The following RPN2 variants were observed in gnomAD, a reference collection of about 807,000 sequenced individuals.
The protein encoded by RPN2 is ribophorin II.
RPN2 carries 29 observed loss-of-function variants against 71.4 expected under a neutral mutation model. That is an observed-to-expected ratio of 0.41 (90% CI 0.30 to 0.55). The LOEUF is 0.55. Among genes scored for constraint, RPN2 ranks in the 20% least tolerant of loss-of-function variants. RPN2 has a pLI of 0.35. For missense variants in RPN2, 726 were observed against 774.1 expected, an observed-to-expected ratio of 0.94 and a Z score of 0.74; for synonymous variants, 308 against 305.0, an observed-to-expected ratio of 1.01 and a Z score of -0.10.
At chr20:37,200,147 C>T (rs1303294382) in intron 4 of RPN2, among the ~76,000 whole-genome samples, 2 of 152,100 alleles carry the variant, frequency 1.3e-5, no homozygotes, top group African/African-American at 4.8e-5. Flanking sequence ...GGCGCGCCAC[C>T]ACGCCTGGCC....
intron 8 of RPN2, among the ~76,000 whole-genome samples, chr20:37,211,514 G>A (rs894404829): frequency 6.6e-6 from 1 of 151,142 alleles, no homozygotes; most frequent in Non-Finnish European, 1.5e-5. Flanking sequence ...GGTGGTGCAC[G>A]CCTGTATTCC....
In RPN2 at chr20:37,232,921, G is replaced by C. The variant is rs191161039; in HGVS notation, c.1677+530G>C. On this transcript the variant is annotated intron_variant, in intron 14 of 16. Transcript: ENST00000237530. ...TGTGTTTAGTATGATCCTCTGTAAA[G>C]TTTTAAAAGGTGGCTGGGTGTGGTG... Among the ~76,000 whole-genome samples the C allele has an allele frequency of 2.2e-4, 34 of 152,234 alleles. No individual in the cohort carries two copies. The East Asian group carries it at 6.0e-3, about 27-fold the overall frequency.
rs2067477212 is a variant in RPN2, at chr20:37,204,878, G to A, written c.667G>A (p.Gly223Arg). Residue 223 changes from glycine (G) to arginine (R), a missense_variant, in exon 6 of 17, where the codon GGG (glycine) becomes AGG (arginine). Physicochemically the swap from Gly to Arg is moderately radical, Grantham distance 125 (BLOSUM62 -2). Transcript: ENST00000237530. ...AATYKLMDHVGTEPSIKEDQV... is the reference protein window; with the variant it reads ...AATYKLMDHVRTEPSIKEDQV... ...CACCTACAAGCTCATGGATCATGTG[G>A]GGACTGAGCCATCCATTAAGGAGGT... The A allele has an allele frequency of 6.2e-7, 1 of 1,614,138 alleles. No homozygotes were observed. The highest frequency in any genetic ancestry group is 8.5e-7 in the Non-Finnish European group (1 of 1,180,020).
At position 37,186,724 on chromosome 20, in the gene RPN2, T is replaced by TA. The variant is rs756606795; in HGVS notation, c.207+2352dup. ...CTTAAATCAGGATCTAAAGAAGGTC[T>TA]ACACATTCCATTTTTTGCTGGTATC... On this transcript the variant is annotated intron_variant, in intron 2 of 16. Coordinates refer to ENST00000237530, the MANE Select transcript of RPN2 (RefSeq NM_002951.5). Among the ~76,000 whole-genome samples, 60 of 152,258 alleles carry TA rather than the reference T, an allele frequency of 3.9e-4. 1 individual carries two copies. Among genetic ancestry groups the TA allele is most frequent in the Admixed American group, 4.6e-4 (7 of 15,278 alleles).
chr20:37,184,286 G>T lies in RPN2; in HGVS notation c.120G>T (p.Ser40=). ...ATGACGTGGAGAGACTAAAAGCCTC[G>T]CTGGATCGCCCTTTCACAAATTTGG... ...TKHDVERLKA[S]LDRPFTNLES... Residue 40 remains serine (S), a synonymous_variant, in exon 2 of 17, where the codon TCG becomes TCT. Transcript: ENST00000237530. 4 of 1,614,152 alleles carry T rather than the reference G, an allele frequency of 2.5e-6. No homozygotes were observed. Among genetic ancestry groups the T allele is most frequent in the African/African-American group, 2.7e-5 (2 of 75,024 alleles).
chr20:37,209,979 A>T, intron 7 of RPN2, 68 bp from the exon 8 acceptor site: 2 of 1,599,498 alleles, frequency 1.3e-6, no homozygotes, highest in Non-Finnish European at 1.7e-6. Flanking sequence ...TAGATAAAGC[A>T]CCCCAGAAAC....
At position 37,179,386 on chromosome 20, in the gene RPN2, G is replaced by GACTTATA; in HGVS notation, c.13+17_13+18insACTTATA. On this transcript the variant is annotated intron_variant, in intron 1 of 16. Coordinates refer to ENST00000237530, the MANE Select transcript of RPN2 (RefSeq NM_002951.5). Reference sequence around the variant, plus strand: ...CGCCGCCGGGTGAGGAGTTGCGCGTGGCTTTGGGGAGAGGGCTGTCGCCCG... The same window carrying GACTTATA: ...CGCCGCCGGGTGAGGAGTTGCGCGTGACTTATAGCTTTGGGGAGAGGGCTGTCGCCCG... 6.8e-6 allele frequency: 2 copies of GACTTATA among 292,438 alleles called. No individual in the cohort carries two copies. The highest frequency in any genetic ancestry group is 6.5e-5 in the South Asian group (1 of 15,280). 18.1% of individuals were successfully genotyped at this position (292,438 alleles called of 1,614,324 possible).
At chr20:37,200,618 T>C in intron 4 of RPN2, 1 of 415,582 alleles carries the variant, frequency 2.4e-6, no homozygotes, top group Admixed American at 3.0e-5. Context: ...AAGGACAGGG[T>C]TCACAGGCAA....
chr20:37,233,932 C>CTGTTGATGGGATTAGCATTGGCATGGCTT (rs2146702906), intron 14 of RPN2, 88 bp from the exon 15 acceptor site: 1 of 1,409,642 alleles, frequency 7.1e-7, no homozygotes, highest in African/African-American at 1.4e-5. Context: ...AGCCTTGGGG[C>CTGTTGATGGGATTAGCATTGGCATGGCTT]TGTTGATGGG....
At chr20:37,186,113 A>G (rs529249640) in intron 2 of RPN2, among the ~76,000 whole-genome samples, 5 of 152,274 alleles carry the variant, frequency 3.3e-5, no homozygotes, top group African/African-American at 9.6e-5. Context: ...TTACTCTTCA[A>G]TTCTCTCTGA....
chr20:37,212,194 G>A (rs887215519), intron 8 of RPN2, among the ~76,000 whole-genome samples: 4 of 152,038 alleles, frequency 2.6e-5, no homozygotes, highest in Non-Finnish European at 5.9e-5. Context: ...TGGGAGGATC[G>A]CTTGAGGCTG....
chr20:37,203,859 T>C lies in RPN2; in HGVS notation c.480-26T>C, dbSNP rs757262700. 3.8e-6 allele frequency: 6 copies of C among 1,565,080 alleles called. No homozygotes were observed. In the African/African-American group the frequency reaches 5.4e-5, roughly 14 times the overall value. On this transcript the variant is annotated intron_variant, in intron 4 of 16. Coordinates refer to ENST00000237530, the MANE Select transcript of RPN2 (RefSeq NM_002951.5). ...TGGATGAAACAAGACTTGCCATTCA[T>C]TGGGGTTCTACTCTTTACCTTCCAG...
intron 14 of RPN2, among the ~76,000 whole-genome samples, chr20:37,233,220 TAAA>T (rs778151210): frequency 2.5e-4 from 38 of 151,832 alleles, no homozygotes; most frequent in Non-Finnish European, 4.9e-4. Context: ...AAAAAAAAAA[TAAA>T]AATAAGTTTT....
intron 8 of RPN2, among the ~76,000 whole-genome samples, chr20:37,211,270 A>G (rs1434392503): frequency 2.0e-5 from 3 of 150,504 alleles, no homozygotes; most frequent in African/African-American, 7.3e-5. Flanking sequence ...CCTGACCTCA[A>G]GTGATCCACC....
chr20:37,232,361 C>A lies in RPN2; in HGVS notation c.1647C>A (p.Ile549=), dbSNP rs772928107. 2 of 1,614,178 alleles carry A rather than the reference C, an allele frequency of 1.2e-6. No individual in the cohort carries two copies. Among genetic ancestry groups the A allele is most frequent in the Non-Finnish European group, 1.7e-6 (2 of 1,180,028 alleles). The stretch of plus-strand genomic sequence containing the variant: ...TGTCCAATACATTCACTGCCCTGAT[C>A]CTCTCGCCGTTGCTTCTGCTCTTCG... ...TVVSNTFTAL[I]LSPLLLLFAL... The change falls in exon 14 of 17, where the codon ATC becomes ATA. Residue 549 remains isoleucine (I), a synonymous_variant. Coordinates refer to ENST00000237530, the MANE Select transcript of RPN2 (RefSeq NM_002951.5).
chr20:37,229,146 A>C (rs1366364601), intron 12 of RPN2, among the ~76,000 whole-genome samples: 1 of 152,248 alleles, frequency 6.6e-6, no homozygotes, highest in Non-Finnish European at 1.5e-5. Context: ...ATAACAATTC[A>C]GGATGATGTA....
chr20:37,224,096 AAG>A, intron 10 of RPN2, 127 bp downstream of exon 10: 1 of 775,064 alleles, frequency 1.3e-6, no homozygotes, highest in Non-Finnish European at 2.2e-6. Context: ...TCCTAAATTA[AAG>A]AGTCTGTAGT....
rs532849282 is a variant in RPN2, at chr20:37,205,089, G to A, written c.690+188G>A. Among the ~76,000 whole-genome samples, 30 of 152,308 alleles carry A rather than the reference G, an allele frequency of 2.0e-4. No homozygotes were observed. The South Asian group carries it at 6.2e-3, about 32-fold the overall frequency. ...CCTGTCTTCAGGAAATGGGTTGCTA[G>A]TGAGGTAGACGTGTAAACAAACCAT... On this transcript the variant is annotated intron_variant, in intron 6 of 16. Coordinates refer to ENST00000237530, the MANE Select transcript of RPN2 (RefSeq NM_002951.5).
Position 37,241,285 on chromosome 20 carries a change from G to A in RPN2, c.1884-18G>A. The A allele has an allele frequency of 1.2e-6, 2 of 1,612,186 alleles. No individual in the cohort carries two copies. Among genetic ancestry groups the A allele is most frequent in the Non-Finnish European group, 1.7e-6 (2 of 1,178,982 alleles). Reference sequence around the variant, plus strand: ...TGAAACCTTCAGTAATTCTGTGTTTGTCTCCATTTTCTTTCAGAACAGCAC... The same window carrying A: ...TGAAACCTTCAGTAATTCTGTGTTTATCTCCATTTTCTTTCAGAACAGCAC... On this transcript the variant is annotated intron_variant, in intron 16 of 16. Transcript: ENST00000237530.
Sources: allele counts gnomAD v4.1 joint callset (sites outside exome capture counted in the v4.1 genomes callset), GRCh38; gene constraint gnomAD v4.1.1; transcripts MANE v1.5; gene names NCBI Gene and HGNC (gene_info 2026-07-23, HGNC 2026-07-21).